Variants in PTPRN2 observed in about 807,000 individuals in gnomAD.
PTPRN2 encodes the protein receptor-type tyrosine-protein phosphatase N2.
A neutral mutation model predicts 118.8 loss-of-function variants in PTPRN2; 74 were observed. That is an observed-to-expected ratio of 0.62 (90% CI 0.52 to 0.76). The LOEUF (loss-of-function observed/expected upper bound fraction) is 0.76, where lower values mean the gene tolerates loss of function less well. PTPRN2 is among the 30% of genes least tolerant of loss of function. The probability of loss-of-function intolerance (pLI) is 0.00; values close to 1 mark genes in which losing one functional copy is unlikely to be tolerated. For synonymous variants in PTPRN2, 641 were observed against 608.0 expected, an observed-to-expected ratio of 1.05 and a Z score of -0.80; for missense variants, 1,481 against 1,394.4, an observed-to-expected ratio of 1.06 and a Z score of -0.99.
chr7:157,781,910 G>A (rs943171459), intron 12 of PTPRN2, among the ~76,000 whole-genome samples: 4 of 152,250 alleles, frequency 2.6e-5, no homozygotes, highest in African/African-American at 9.6e-5. Flanking sequence ...AGGGGTGGAT[G>A]TGAAATGCCC....
intron 12 of PTPRN2, among the ~76,000 whole-genome samples, chr7:157,798,522 G>GACAC (rs1805020248): frequency 6.6e-6 from 1 of 151,582 alleles, no homozygotes; most frequent in South Asian, 2.1e-4. Context: ...GACACACACA[G>GACAC]ACACACACAT....
chr7:158,513,120 T>A (rs369170318), intron 1 of PTPRN2, among the ~76,000 whole-genome samples: 1 of 152,004 alleles, frequency 6.6e-6, no homozygotes, highest in Non-Finnish European at 1.5e-5. Context: ...GCCGCAACCC[T>A]CCCCACCAAG....
intron 12 of PTPRN2, among the ~76,000 whole-genome samples, chr7:157,822,708 TATCCACCCATCCACTATCC>T (rs1191139644): frequency 1.3e-5 from 2 of 151,728 alleles, no homozygotes; most frequent in Non-Finnish European, 2.9e-5. Flanking sequence ...TCCACTCTTC[TATCCACCCATCCACTATCC>T]ATCTACCCAT....
At position 158,570,733 on chromosome 7, in the gene PTPRN2, G is replaced by C. The variant is rs1274888209; in HGVS notation, c.112+16825C>G. 1.3e-5 allele frequency among the ~76,000 whole-genome samples: 2 copies of C among 152,350 alleles called. No homozygotes were observed. Among genetic ancestry groups the C allele is most frequent in the East Asian group, 3.9e-4 (2 of 5,188 alleles). ...ACGCCGAGAGCCCGCGGAGAAGCTT[G>C]AGCCTGTGAGCCCCCGTCTCCGACC... On this transcript the variant is annotated intron_variant, in intron 1 of 22. Coordinates refer to ENST00000389418, the MANE Select transcript of PTPRN2 (RefSeq NM_002847.5). The surrounding 1 kb of genome is among the most constrained non-coding windows in gnomAD (Gnocchi z 4.5).
intron 11 of PTPRN2, among the ~76,000 whole-genome samples, chr7:158,048,552 CATCATCACCATCACT>C (rs1241022465): frequency 1.3e-5 from 2 of 151,966 alleles, no homozygotes; most frequent in Admixed American, 6.6e-5. Flanking sequence ...CCACCAGCAC[CATCATCACCATCACT>C]ATCATCATCA....
chr7:158,331,946 C>T (rs1352148705), intron 2 of PTPRN2, among the ~76,000 whole-genome samples: 1 of 151,010 alleles, frequency 6.6e-6, no homozygotes, highest in Admixed American at 6.6e-5. Context: ...CACACTCACA[C>T]TCCCACGATA....
chr7:157,849,056 G>A (rs907205107), intron 12 of PTPRN2, among the ~76,000 whole-genome samples: 2 of 152,182 alleles, frequency 1.3e-5, no homozygotes, highest in Non-Finnish European at 2.9e-5. Flanking sequence ...GGAGCCCCTC[G>A]GTCCCAGCGT....
chr7:158,311,668 A>C (rs1043706649), intron 3 of PTPRN2, among the ~76,000 whole-genome samples: 2 of 152,268 alleles, frequency 1.3e-5, no homozygotes, highest in Non-Finnish European at 2.9e-5. Flanking sequence ...GCTGTCTGTC[A>C]ATGAATCTGA....
chr7:157,640,580 G>T (rs755427868), intron 14 of PTPRN2, among the ~76,000 whole-genome samples: 1 of 152,140 alleles, frequency 6.6e-6, no homozygotes, highest in Admixed American at 6.5e-5. Context: ...AATAAAATAA[G>T]TCCTTACCAA....
chr7:158,407,452 G>T (rs867211765), intron 2 of PTPRN2, among the ~76,000 whole-genome samples: 1 of 31,454 alleles, frequency 3.2e-5, no homozygotes, highest in Non-Finnish European at 5.8e-5. Flanking sequence ...CTGCGTCCTG[G>T]GTCCTGGGTC....
At chr7:158,205,330 T>C (rs2150747060) in intron 3 of PTPRN2, 57 bp from the exon 4 acceptor site, 1 of 1,308,182 alleles carries the variant, frequency 7.6e-7, no homozygotes, top group East Asian at 2.3e-5. Context: ...GCCAAAGCTC[T>C]TGCTTCAGTC....
At chr7:157,896,130 G>A in intron 12 of PTPRN2, among the ~76,000 whole-genome samples, 1 of 151,376 alleles carries the variant, frequency 6.6e-6, no homozygotes, top group African/African-American at 2.4e-5. Flanking sequence ...TCCAAGCAGG[G>A]AGTGCCTGGA....
chr7:158,029,047 A>G (rs1807486610), intron 11 of PTPRN2: 1 of 152,328 alleles, frequency 6.6e-6, no homozygotes, highest in Non-Finnish European at 1.5e-5. Context: ...CTGGTGTGAC[A>G]TGAGCCACTG....
chr7:157,649,148 C>A (rs1283982029), intron 14 of PTPRN2, among the ~76,000 whole-genome samples: 1 of 128,382 alleles, frequency 7.8e-6, no homozygotes, highest in African/African-American at 2.9e-5. Context: ...TGGGTCGGAC[C>A]CATCCAGCGT....
intron 6 of PTPRN2, among the ~76,000 whole-genome samples, chr7:158,152,640 T>G (rs562099700): frequency 1.3e-5 from 2 of 152,154 alleles, no homozygotes; most frequent in Admixed American, 1.3e-4. Context: ...CACTCCTGCC[T>G]TCACCACCAA....
intron 6 of PTPRN2, among the ~76,000 whole-genome samples, chr7:158,149,146 C>A (rs540958754): frequency 6.6e-6 from 1 of 151,248 alleles, no homozygotes; most frequent in African/African-American, 2.4e-5. Flanking sequence ...CGCCACGTGT[C>A]TTTCCCCCTC....
intron 11 of PTPRN2, among the ~76,000 whole-genome samples, chr7:157,967,057 T>C (rs1801994877): frequency 6.6e-6 from 1 of 152,248 alleles, no homozygotes; most frequent in South Asian, 2.1e-4. Context: ...CAGTGGCTCA[T>C]GCCCATAATC....
At chr7:158,350,506 C>G (rs566746697) in intron 2 of PTPRN2, among the ~76,000 whole-genome samples, 1 of 152,358 alleles carries the variant, frequency 6.6e-6, no homozygotes, top group East Asian at 1.9e-4. Flanking sequence ...TCAATTTTGT[C>G]TTCAATGATT....
At chr7:158,226,765 T>G (rs1009244402) in intron 3 of PTPRN2, among the ~76,000 whole-genome samples, 5 of 150,598 alleles carry the variant, frequency 3.3e-5, no homozygotes, top group Admixed American at 2.0e-4. Flanking sequence ...GCACTTACCC[T>G]AATCGCGTGG....
Sources: gnomAD v4.1 joint callset for allele counts (sites outside exome capture counted in the v4.1 genomes callset) on GRCh38, gnomAD v4.1.1 for gene constraint, Gnocchi (gnomAD v3.1) non-coding constraint, MANE v1.5 for transcripts, NCBI Gene and HGNC (gene_info 2026-07-23, HGNC 2026-07-21) for gene names.